Variants in TAFA5 observed in about 807,000 individuals in gnomAD.
TAFA5 encodes chemokine-like protein TAFA-5.
In TAFA5, 6 loss-of-function variants were observed where a neutral mutation model predicts 15.3. The observed-to-expected ratio is 0.39, with a 90% confidence interval of 0.21 to 0.77. The LOEUF (loss-of-function observed/expected upper bound fraction) is 0.77, where lower values mean the gene tolerates loss of function less well. TAFA5 is among the 30% of genes least tolerant of loss of function. The pLI is 0.41. For missense variants in TAFA5, 161 were observed against 193.1 expected (o/e 0.83, Z 0.98); for synonymous variants, 103 against 80.7 (o/e 1.28, Z -1.48).
At chr22:48,661,317 C>G (rs1927431833) in intron 2 of TAFA5, among the ~76,000 whole-genome samples, 1 of 152,176 alleles carries the variant, frequency 6.6e-6, no homozygotes, top group Non-Finnish European at 1.5e-5. Flanking sequence ...AACCTTGCCC[C>G]AGCCCTCTCT....
At chr22:48,674,050 A>G (rs1290564828) in intron 2 of TAFA5, among the ~76,000 whole-genome samples, 2 of 123,974 alleles carry the variant, frequency 1.6e-5, no homozygotes, top group East Asian at 4.9e-4. Flanking sequence ...TCACATCTGG[A>G]CTCCTCTGCC....
chr22:48,742,452 G>A lies in TAFA5; in HGVS notation c.391-7387G>A, dbSNP rs1930206338. Among the ~76,000 whole-genome samples the A allele has an allele frequency of 6.6e-6, 1 of 152,222 alleles. No individual in the cohort carries two copies. The highest frequency in any genetic ancestry group is 1.5e-5 in the Non-Finnish European group (1 of 68,030). ...GTGGGGCAGGAGACGGGTGGAGCGG[G>A]TGGTGCTGTGTGGCGGAGCTGGCGG... On this transcript the variant is annotated intron_variant, in intron 3 of 3. Coordinates refer to ENST00000402357, the MANE Select transcript of TAFA5 (RefSeq NM_001082967.3). This position sits in a 1 kb window ranked among gnomAD's most constrained non-coding sequence, Gnocchi z 6.2.
In TAFA5 at chr22:48,623,287, G is replaced by A. The variant is rs866531644; in HGVS notation, c.113-23310G>A. ...TGACCTGTGGGACGGGACGTGTCGC[G>A]TGGCCCTGCGCGGTGACCTGTGGGA... On this transcript the variant is annotated intron_variant, in intron 1 of 3. Coordinates refer to ENST00000402357, the MANE Select transcript of TAFA5 (RefSeq NM_001082967.3). Among the ~76,000 whole-genome samples, 1,315 of 136,302 alleles carry A rather than the reference G, an allele frequency of 9.6e-3. 79 individuals are homozygous for A. Among genetic ancestry groups the A allele is most frequent in the African/African-American group, 0.037 (1,256 of 33,792 alleles). The allele number at this position is 136,302 out of a possible 152,430, so 89.4% of individuals were successfully genotyped here.
In TAFA5 at chr22:48,750,720, G is replaced by A. The variant is rs1276176153; in HGVS notation, c.*873G>A. 1.3e-5 allele frequency: 2 copies of A among 153,008 alleles called. No individual in the cohort carries two copies. Among genetic ancestry groups the A allele is most frequent in the South Asian group, 2.1e-4 (1 of 4,832 alleles). The allele number at this position is 153,008 out of a possible 1,614,324, so 9.5% of individuals were successfully genotyped here. A position where few individuals can be genotyped will look rare whatever the true frequency, so the allele number is the denominator to read the frequency against. On this transcript the variant is annotated 3_prime_UTR_variant, in exon 4 of 4. Transcript: ENST00000402357. ...CTGCCAAGAGCATGTTGGGTCTCCCGTGACTGCTGCCTCATCGATACCCCA... is the reference window on the plus strand; with the variant it reads ...CTGCCAAGAGCATGTTGGGTCTCCCATGACTGCTGCCTCATCGATACCCCA...
intron 1 of TAFA5, among the ~76,000 whole-genome samples, chr22:48,568,860 G>C (rs1159699986): frequency 2.0e-5 from 3 of 152,208 alleles, no homozygotes. Flanking sequence ...CAGCAGTGCT[G>C]AGCACAGCCT....
Position 48,646,764 on chromosome 22 carries a change from C to T in TAFA5, c.262+18C>T, listed in dbSNP as rs1394661502. 1.3e-6 allele frequency: 2 copies of T among 1,555,686 alleles called. No homozygotes were observed. The highest frequency in any genetic ancestry group is 1.7e-6 in the Non-Finnish European group (2 of 1,155,172). On this transcript the variant is annotated intron_variant, in intron 2 of 3. Coordinates refer to ENST00000402357, the MANE Select transcript of TAFA5 (RefSeq NM_001082967.3). ...TGTGGACGGTAAGCACCCGTGGCCC[C>T]AGGACCCCTCCGGGTGCTGAGCGCG...
At chr22:48,637,648 TC>T (rs1453080518) in intron 1 of TAFA5, among the ~76,000 whole-genome samples, 1 of 152,082 alleles carries the variant, frequency 6.6e-6, no homozygotes, top group African/African-American at 2.4e-5. Context: ...TCCCGCACCC[TC>T]GCTCAGGTGT....
chr22:48,509,687 C>T (rs1289243557), intron 1 of TAFA5, among the ~76,000 whole-genome samples: 3 of 152,180 alleles, frequency 2.0e-5, no homozygotes, highest in Admixed American at 1.3e-4. Flanking sequence ...CGCAATGGCT[C>T]ACGCCTGTAA....
Position 48,518,555 on chromosome 22 carries a change from C to T in TAFA5, c.112+28851C>T, listed in dbSNP as rs536952639. On this transcript the variant is annotated intron_variant, in intron 1 of 3. Transcript: ENST00000402357. ...AACCCCAGATTCTGAGGCAAAGGCTCGGAAAGAACCCACAGTTCTCACGGC... is the reference window on the plus strand; with the variant it reads ...AACCCCAGATTCTGAGGCAAAGGCTTGGAAAGAACCCACAGTTCTCACGGC... Among the ~76,000 whole-genome samples the T allele has an allele frequency of 2.1e-3, 317 of 152,264 alleles. 4 individuals are homozygous for T. The highest frequency in any genetic ancestry group is 7.3e-3 in the African/African-American group (303 of 41,552).
intron 1 of TAFA5, among the ~76,000 whole-genome samples, chr22:48,640,327 C>G (rs796851217): frequency 8.5e-5 from 13 of 152,294 alleles, no homozygotes; most frequent in African/African-American, 3.1e-4. Context: ...GGGGGCATGC[C>G]AGCACCCACC....
At chr22:48,739,807 CCT>C (rs1340544306) in intron 3 of TAFA5, among the ~76,000 whole-genome samples, 1 of 152,172 alleles carries the variant, frequency 6.6e-6, no homozygotes, top group Admixed American at 6.5e-5. Context: ...GCCATCCTTC[CCT>C]CTCAGAGCTG....
chr22:48,698,465 A>G (rs1928798268), intron 2 of TAFA5, among the ~76,000 whole-genome samples: 1 of 151,576 alleles, frequency 6.6e-6, no homozygotes, highest in Non-Finnish European at 1.5e-5. Context: ...GATGATGGTA[A>G]TGGTAGTGAA....
At chr22:48,609,146 AGGTGGGC>A (rs1260033443) in intron 1 of TAFA5, among the ~76,000 whole-genome samples, 2 of 152,162 alleles carry the variant, frequency 1.3e-5, no homozygotes, top group Non-Finnish European at 2.9e-5. Flanking sequence ...GTGCGTAAAC[AGGTGGGC>A]GGTGGTGTGT....
intron 1 of TAFA5, among the ~76,000 whole-genome samples, chr22:48,634,596 C>T (rs1017648284): frequency 1.3e-5 from 2 of 152,156 alleles, no homozygotes; most frequent in Non-Finnish European, 2.9e-5. Context: ...CACTCAGTCA[C>T]TGATTCACCC....
At chr22:48,670,922 C>T (rs1473509748) in intron 2 of TAFA5, among the ~76,000 whole-genome samples, 1 of 152,198 alleles carries the variant, frequency 6.6e-6, no homozygotes, top group East Asian at 1.9e-4. Context: ...GCTAACTTAT[C>T]TGTTTGAATG....
chr22:48,643,173 G>T (rs1926744019), intron 1 of TAFA5, among the ~76,000 whole-genome samples: 1 of 152,226 alleles, frequency 6.6e-6, no homozygotes, highest in Non-Finnish European at 1.5e-5. Context: ...CGGCTGCCAT[G>T]TGGATCTCAG....
At chr22:48,595,410 C>G (rs1228886286) in intron 1 of TAFA5, among the ~76,000 whole-genome samples, 1 of 152,350 alleles carries the variant, frequency 6.6e-6, no homozygotes, top group East Asian at 1.9e-4. Flanking sequence ...GCTGACAGAG[C>G]AGGGGCTGGC....
At chr22:48,644,610 C>T (rs1044578576) in intron 1 of TAFA5, among the ~76,000 whole-genome samples, 1 of 152,246 alleles carries the variant, frequency 6.6e-6, no homozygotes, top group Admixed American at 6.5e-5. Context: ...CTCCAAGCCG[C>T]ACCCTGCCAG....
chr22:48,716,121 C>T lies in TAFA5; in HGVS notation c.390+8277C>T, dbSNP rs142322883. ...TTGGTCTATATATCTGTTTCGGTAC[C>T]AGTACCATGCTGTTTTGGTTACTGT... is the stretch of plus-strand genomic sequence containing the variant. On this transcript the variant is annotated intron_variant, in intron 3 of 3. Transcript: ENST00000402357. 6.6e-5 allele frequency among the ~76,000 whole-genome samples: 10 copies of T among 152,258 alleles called. No individual in the cohort carries two copies. The East Asian group carries it at 1.9e-3, about 29-fold the overall frequency.
Sources: gnomAD v4.1 joint callset for allele counts (sites outside exome capture counted in the v4.1 genomes callset) on GRCh38, gnomAD v4.1.1 for gene constraint, Gnocchi (gnomAD v3.1) non-coding constraint, MANE v1.5 for transcripts, NCBI Gene and HGNC (gene_info 2026-07-23, HGNC 2026-07-21) for gene names.